CCNI2: variants seen among roughly 807,000 people sequenced by gnomAD.
CCNI2 encodes the protein cyclin-I2.
Under a neutral mutation model 33.2 loss-of-function variants are expected in CCNI2, and 32 were observed. The ratio of observed to expected loss-of-function variants is 0.96; its 90% confidence interval spans 0.73 to 1.30. CCNI2 has a LOEUF of 1.30. Ranked by LOEUF, CCNI2 falls within the 50% of genes most tolerant of loss-of-function variation. The pLI is 0.00. For missense variants in CCNI2, 452 were observed against 486.2 expected (o/e 0.93, Z 0.66); for synonymous variants, 231 against 219.9 (o/e 1.05, Z -0.45).
chr5:132,748,295 A>C (rs574656204), intron 1 of CCNI2, 52 bp from the exon 2 acceptor site: 1 of 1,603,862 alleles, frequency 6.2e-7, no homozygotes, highest in African/African-American at 1.3e-5. Context: ...CTGGGGGACC[A>C]GGAGTGGCCG....
chr5:132,753,702 T>G lies in CCNI2; in HGVS notation c.*732T>G, dbSNP rs1032949904. ...AATGGGTATTATAGGCTAACACCTG[T>G]GATGGGAGGCACAGCTCTGAATGCT... On this transcript the variant is annotated 3_prime_UTR_variant, in exon 6 of 6. Coordinates refer to ENST00000378731, the MANE Select transcript of CCNI2 (RefSeq NM_001039780.4). 16 of 152,390 alleles carry G rather than the reference T, an allele frequency of 1.0e-4. No homozygotes were observed. The highest frequency in any genetic ancestry group is 3.9e-4 in the African/African-American group (16 of 41,442). The allele number at this position is 152,390 out of a possible 1,614,324, so 9.4% of individuals were successfully genotyped here. A position where few individuals can be genotyped will look rare whatever the true frequency, so the allele number is the denominator to read the frequency against.
chr5:132,751,821 C>A, intron 4 of CCNI2, 145 bp from the exon 5 acceptor site: 1 of 990,378 alleles, frequency 1.0e-6, no homozygotes, highest in Non-Finnish European at 1.5e-6. Context: ...GCCTCAAGCC[C>A]CTTACGGAGC....
chr5:132,752,754 G>A (rs1754962437), intron 5 of CCNI2, 112 bp from the exon 6 acceptor site: 1 of 782,466 alleles, frequency 1.3e-6, no homozygotes, highest in South Asian at 1.6e-5. Context: ...TCCTTAGTTG[G>A]GTGGTTGGAC....
In CCNI2 at chr5:132,747,531, G is replaced by A. The variant is rs1211168452; in HGVS notation, c.36G>A (p.Ser12=). The change falls in exon 1 of 6, where the codon TCG becomes TCA. Residue 12 remains serine, a synonymous_variant. Transcript: ENST00000378731. This position sits in a 1 kb window ranked among gnomAD's most constrained non-coding sequence, Gnocchi z 4.1. ...ASGAQLPPQP[S]SSEVSAVQSP... ...GCGCTCAGCTCCCGCCGCAGCCGTC[G>A]AGCTCAGAGGTCAGCGCCGTCCAGA... is the stretch of plus-strand genomic sequence containing the variant. 3 of 1,502,692 alleles carry A rather than the reference G, an allele frequency of 2.0e-6. No homozygotes were observed. Among genetic ancestry groups the A allele is most frequent in the Non-Finnish European group, 2.6e-6 (3 of 1,133,332 alleles). 93.1% of individuals were successfully genotyped at this position (1,502,692 alleles called of 1,614,324 possible). A position where few individuals can be genotyped will look rare whatever the true frequency, so the allele number is the denominator to read the frequency against.
intron 4 of CCNI2, chr5:132,751,586 A>ACGAAAACTGGC (rs1387533825): frequency 1.1e-5 from 3 of 285,598 alleles, no homozygotes; most frequent in African/African-American, 6.7e-5. Context: ...CTGTTTCATT[A>ACGAAAACTGGC]CGAAAACTGG....
At position 132,747,595 on chromosome 5, in the gene CCNI2, G is replaced by A. The variant is rs1754644811; in HGVS notation, c.100G>A (p.Ala34Thr). 6.0e-6 allele frequency: 9 copies of A among 1,500,880 alleles called. No homozygotes were observed. The highest frequency in any genetic ancestry group is 1.4e-5 in the African/African-American group (1 of 69,018). The allele number at this position is 1,500,880 out of a possible 1,614,324, so 93.0% of individuals were successfully genotyped here. Residue 34 changes from alanine (A) to threonine (T), a missense_variant, in exon 1 of 6, where the codon GCC (alanine) becomes ACC (threonine). Physicochemically the swap from Ala to Thr is moderately conservative, Grantham distance 58 (BLOSUM62 0). Transcript: ENST00000378731. The surrounding 1 kb of genome is among the most constrained non-coding windows in gnomAD (Gnocchi z 4.1). The part of the protein sequence containing the change: ...GRPGAGLEET[A>T]LGVPLPPSPG... ...TCCCGGCGCCGGTCTGGAGGAAACA[G>A]CCCTGGGCGTTCCTCTCCCGCCGTC...
downstream of CCNI2, among the ~76,000 whole-genome samples, chr5:132,755,046 C>T (rs1341002703): frequency 6.6e-6 from 1 of 152,054 alleles, no homozygotes; most frequent in Non-Finnish European, 1.5e-5. Flanking sequence ...CCTAGGAGGC[C>T]CTCCTCCCCC....
rs767783085 is a variant in CCNI2 at position 132,750,951 on chromosome 5, T to A, written c.728T>A (p.Leu243Gln). Reference protein sequence around the residue: ...LRMELAILDRLHWDLYIGTPL... With the variant: ...LRMELAILDRQHWDLYIGTPL... ...ATGGAGCTGGCTATTCTGGACAGAC[T>A]GCACTGGGACCTCTATATTGGGACG... The change falls in exon 4 of 6, where the codon CTG becomes CAG. Residue 243 changes from leucine (L) to glutamine (Q), a missense_variant. Transcript: ENST00000378731. 1.9e-5 allele frequency: 31 copies of A among 1,614,282 alleles called. No homozygotes were observed. Among genetic ancestry groups the A allele is most frequent in the Non-Finnish European group, 2.5e-5 (30 of 1,180,050 alleles).
Position 132,749,363 on chromosome 5 carries a change from C to G in CCNI2, c.574C>G (p.Leu192Val). ...LISVKVKEKY[L>V]HCATITSLRL... ...CATACTGCAGGTAAAAGAGAAATAC[C>G]TGCATTGCGCCACAATTACTTCCTT... The change falls in exon 3 of 6, where the codon CTG becomes GTG. Residue 192 changes from leucine (L) to valine (V), a missense_variant. Leu to Val is a conservative substitution (Grantham distance 32). Coordinates refer to ENST00000378731, the MANE Select transcript of CCNI2 (RefSeq NM_001039780.4). 1.2e-6 allele frequency: 2 copies of G among 1,613,952 alleles called. No homozygotes were observed. The highest frequency in any genetic ancestry group is 1.7e-6 in the Non-Finnish European group (2 of 1,179,820).
chr5:132,751,125 G>A (rs708461), intron 4 of CCNI2, 128 bp downstream of exon 4: 16 of 1,018,592 alleles, frequency 1.6e-5, no homozygotes, highest in Admixed American at 5.0e-5. Context: ...GTGAGGTGAC[G>A]CACAAGGCTC....
intron 3 of CCNI2, among the ~76,000 whole-genome samples, chr5:132,750,427 T>C (rs1323198876): frequency 1.3e-5 from 2 of 152,234 alleles, no homozygotes; most frequent in Non-Finnish European, 2.9e-5. Context: ...GTTTTATCAA[T>C]GTGTCTGGTA....
intron 3 of CCNI2, 46 bp from the exon 4 acceptor site, chr5:132,750,811 C>G: frequency 2.5e-6 from 4 of 1,595,372 alleles, no homozygotes; most frequent in Non-Finnish European, 3.4e-6. Context: ...ACAAAAGCTA[C>G]TATGACATGA....
intron 3 of CCNI2, among the ~76,000 whole-genome samples, chr5:132,750,421 T>C (rs1173997829): frequency 6.6e-6 from 1 of 152,224 alleles, no homozygotes; most frequent in Non-Finnish European, 1.5e-5. Context: ...TAGGAGGTTT[T>C]ATCAATGTGT....
At position 132,747,745 on chromosome 5, in the gene CCNI2, C is replaced by G; in HGVS notation, c.250C>G (p.Pro84Ala). The G allele has an allele frequency of 6.8e-7, 1 of 1,470,894 alleles. No individual in the cohort carries two copies. Among genetic ancestry groups the G allele is most frequent in the Non-Finnish European group, 8.9e-7 (1 of 1,119,416 alleles). 91.1% of individuals were successfully genotyped at this position (1,470,894 alleles called of 1,614,324 possible). The change falls in exon 1 of 6, where the codon CCA becomes GCA. Residue 84 changes from proline to alanine, a missense_variant. By Grantham distance (27) the Pro-to-Ala change is conservative. Transcript: ENST00000378731. The surrounding 1 kb of genome is among the most constrained non-coding windows in gnomAD (Gnocchi z 4.1). ...CGTGCGGCCCCGGCGCGGTACGGCGCCAGCCGGGAAAACCGCAGACGCGGT... is the reference window on the plus strand; with the variant it reads ...CGTGCGGCCCCGGCGCGGTACGGCGGCAGCCGGGAAAACCGCAGACGCGGT... ...VPVRPRRGTAPAGKTADAVPA... is the reference protein window; with the variant it reads ...VPVRPRRGTAAAGKTADAVPA...
chr5:132,752,262 C>CCTTTGGGGT, intron 5 of CCNI2, 66 bp downstream of exon 5: 2 of 1,492,470 alleles, frequency 1.3e-6, no homozygotes, highest in Non-Finnish European at 1.8e-6. Context: ...CACTCTGACC[C>CCTTTGGGGT]CAAAGGGGTA....
chr5:132,748,718 C>T (rs1754682466), intron 2 of CCNI2, among the ~76,000 whole-genome samples: 1 of 152,046 alleles, frequency 6.6e-6, no homozygotes, highest in Non-Finnish European at 1.5e-5. Context: ...AAAGGGCTTC[C>T]TGTGTAATGA....
At position 132,749,335 on chromosome 5, in the gene CCNI2, T is replaced by A. The variant is rs759124954; in HGVS notation, c.559-13T>A. The A allele has an allele frequency of 1.2e-6, 2 of 1,607,500 alleles. No individual in the cohort carries two copies. Among genetic ancestry groups the A allele is most frequent in the Non-Finnish European group, 1.7e-6 (2 of 1,173,938 alleles). Reference sequence around the variant, plus strand: ...TTCATATTCTGCTCAAATGTGTTTGTTCCATACTGCAGGTAAAAGAGAAAT... The same window carrying A: ...TTCATATTCTGCTCAAATGTGTTTGATCCATACTGCAGGTAAAAGAGAAAT... On this transcript the variant is annotated splice_polypyrimidine_tract_variant and intron_variant, in intron 2 of 5. Transcript: ENST00000378731.
At chr5:132,750,071 G>T (rs1395698604) in intron 3 of CCNI2, among the ~76,000 whole-genome samples, 1 of 152,202 alleles carries the variant, frequency 6.6e-6, no homozygotes, top group Non-Finnish European at 1.5e-5. Flanking sequence ...GTCACCCTTA[G>T]CTGATCTCTG....
At chr5:132,755,785 C>G (rs1380685862), downstream of CCNI2, among the ~76,000 whole-genome samples, 1 of 152,170 alleles carries the variant, frequency 6.6e-6, no homozygotes, top group Non-Finnish European at 1.5e-5. Flanking sequence ...CTTCCTGTAA[C>G]TTTCCTGTGA....
Sources: allele counts gnomAD v4.1 joint callset (sites outside exome capture counted in the v4.1 genomes callset), GRCh38; gene constraint gnomAD v4.1.1; non-coding constraint Gnocchi (gnomAD v3.1); transcripts MANE v1.5; gene names NCBI Gene and HGNC (gene_info 2026-07-23, HGNC 2026-07-21).